Variants in TBC1D5 observed in about 807,000 individuals in gnomAD.
The protein encoded by TBC1D5 is TBC1 domain family member 5.
A neutral mutation model predicts 100.3 loss-of-function variants in TBC1D5; 75 were observed. The observed-to-expected ratio is 0.75, with a 90% CI of 0.62 to 0.91. TBC1D5 has a LOEUF of 0.91. Ranked by LOEUF, TBC1D5 falls within the 40% of genes least tolerant of loss-of-function variation. The pLI is 0.00. For synonymous variants in TBC1D5, 323 were observed against 325.6 expected (o/e 0.99, Z 0.09); for missense variants, 910 against 942.4 (o/e 0.97, Z 0.45).
At chr3:17,480,011 C>A (rs540389793) in intron 3 of TBC1D5, among the ~76,000 whole-genome samples, 1 of 152,336 alleles carries the variant, frequency 6.6e-6, no homozygotes, top group South Asian at 2.1e-4. Context: ...TTGAAAGTGC[C>A]TGATCCTGTG....
intron 1 of TBC1D5, among the ~76,000 whole-genome samples, chr3:17,645,434 G>A (rs924821683): frequency 6.6e-6 from 1 of 152,144 alleles, no homozygotes; most frequent in Non-Finnish European, 1.5e-5. Flanking sequence ...ACTCGCAGCT[G>A]TCAGGAACTG....
At chr3:17,609,501 T>A (rs2061534668) in intron 2 of TBC1D5, among the ~76,000 whole-genome samples, 1 of 152,218 alleles carries the variant, frequency 6.6e-6, no homozygotes. Flanking sequence ...CGACCTGACC[T>A]GTCAGCTTCT....
chr3:17,590,408 T>A (rs555579183), intron 2 of TBC1D5, among the ~76,000 whole-genome samples: 2 of 152,170 alleles, frequency 1.3e-5, no homozygotes, highest in Non-Finnish European at 2.9e-5. Flanking sequence ...GATGGCACAC[T>A]ATGAGCAAAT....
At chr3:17,730,526 C>G (rs895179076) in intron 1 of TBC1D5, among the ~76,000 whole-genome samples, 1 of 152,184 alleles carries the variant, frequency 6.6e-6, no homozygotes. Context: ...AGCTCCTGGA[C>G]AGCAGCCAGC....
chr3:17,216,038 T>C (rs2073592354), intron 17 of TBC1D5, among the ~76,000 whole-genome samples: 1 of 152,078 alleles, frequency 6.6e-6, no homozygotes, highest in Non-Finnish European at 1.5e-5. Context: ...AAACCAAGAA[T>C]GCTAACCAGA....
intron 16 of TBC1D5, among the ~76,000 whole-genome samples, chr3:17,252,708 A>T (rs564151543): frequency 6.6e-6 from 1 of 152,334 alleles, no homozygotes; most frequent in East Asian, 1.9e-4. Flanking sequence ...GGGCTGGCCT[A>T]AGCAGAATGT....
intron 1 of TBC1D5, among the ~76,000 whole-genome samples, chr3:17,671,868 C>CAGCATCTGTTTATT: frequency 6.6e-6 from 1 of 152,298 alleles, no homozygotes; most frequent in East Asian, 1.9e-4. Context: ...ACTATGAGAG[C>CAGCATCTGTTTATT]AGCATCTGTT....
At chr3:17,451,835 G>A (rs913370089) in intron 3 of TBC1D5, among the ~76,000 whole-genome samples, 2 of 152,042 alleles carry the variant, frequency 1.3e-5, no homozygotes, top group African/African-American at 4.8e-5. Context: ...CAGGAGAATC[G>A]CTGGAATCTG....
chr3:17,724,260 T>C (rs1419593495), intron 1 of TBC1D5, among the ~76,000 whole-genome samples: 2 of 152,144 alleles, frequency 1.3e-5, no homozygotes, highest in African/African-American at 4.8e-5. Context: ...GCTCGTCTAA[T>C]TTTTTTAAAG....
chr3:17,691,267 G>A (rs1198587460), intron 1 of TBC1D5, among the ~76,000 whole-genome samples: 2 of 152,046 alleles, frequency 1.3e-5, no homozygotes, highest in African/African-American at 2.4e-5. Context: ...CCCGATCCCT[G>A]GCACTCCCAC....
At chr3:17,556,804 C>A (rs1409611113) in intron 2 of TBC1D5, among the ~76,000 whole-genome samples, 1 of 152,136 alleles carries the variant, frequency 6.6e-6, no homozygotes, top group Non-Finnish European at 1.5e-5. Context: ...CCATTAGTAA[C>A]TGCCTTAGAA....
At chr3:17,637,026 A>T (rs985672950) in intron 1 of TBC1D5, among the ~76,000 whole-genome samples, 31 of 143,478 alleles carry the variant, frequency 2.2e-4, no homozygotes, top group African/African-American at 6.1e-4. Context: ...ATCATTTATT[A>T]TTTTTTTTTT....
chr3:17,240,958 T>C (rs1187293572), intron 16 of TBC1D5, among the ~76,000 whole-genome samples: 2 of 152,196 alleles, frequency 1.3e-5, no homozygotes, highest in Non-Finnish European at 2.9e-5. Context: ...AGAGCAATTT[T>C]TCATCTGAAT....
chr3:17,279,458 A>G (rs1441125559), intron 15 of TBC1D5, among the ~76,000 whole-genome samples: 2 of 152,218 alleles, frequency 1.3e-5, no homozygotes, highest in African/African-American at 4.8e-5. Context: ...TGGCTGACAA[A>G]CATGGCATGT....
chr3:17,238,545 A>C, intron 16 of TBC1D5, 126 bp from the exon 17 acceptor site: 3 of 1,090,812 alleles, frequency 2.8e-6, no homozygotes, highest in Non-Finnish European at 2.5e-6. Flanking sequence ...CAGCTATATA[A>C]AGTGAGAAGT....
intron 1 of TBC1D5, among the ~76,000 whole-genome samples, chr3:17,638,945 A>C (rs571243498): frequency 1.3e-5 from 2 of 152,318 alleles, no homozygotes; most frequent in East Asian, 3.9e-4. Context: ...CACTTCAGAA[A>C]ACAGCTGGGA....
At chr3:17,602,321 A>C (rs1278075040) in intron 2 of TBC1D5, among the ~76,000 whole-genome samples, 1 of 152,174 alleles carries the variant, frequency 6.6e-6, no homozygotes, top group African/African-American at 2.4e-5. Context: ...CCATGCGCTC[A>C]TAACATTGAA....
intron 2 of TBC1D5, among the ~76,000 whole-genome samples, chr3:17,606,470 C>T (rs902117038): frequency 6.6e-6 from 1 of 151,948 alleles, no homozygotes; most frequent in African/African-American, 2.4e-5. Context: ...TTTTTATTTT[C>T]TTTTACTCAA....
At chr3:17,740,529 AAAATT>A (rs2077341251) in exon 1 of TBC1D5, 1 of 152,184 alleles carries the variant, frequency 6.6e-6, no homozygotes, top group African/African-American at 2.4e-5. Context: ...TAAAAAGAAA[AAAATT>A]AAAAGTACAA....
Sources: gnomAD v4.1 joint callset for allele counts (sites outside exome capture counted in the v4.1 genomes callset) on GRCh38, gnomAD v4.1.1 for gene constraint, MANE v1.5 for transcripts, NCBI Gene and HGNC (gene_info 2026-07-23, HGNC 2026-07-21) for gene names.